Variants in CNTLN observed in about 807,000 individuals in gnomAD.
CNTLN encodes the protein centlein, also known as centlein, centrosomal protein.
A neutral mutation model predicts 180.0 loss-of-function variants in CNTLN; 212 were observed. The ratio of observed to expected loss-of-function variants is 1.18; its 90% CI spans 1.05 to 1.32. The LOEUF (loss-of-function observed/expected upper bound fraction) is 1.32, where lower values mean the gene tolerates loss of function less well. Among genes scored for constraint, CNTLN ranks in the 40% most tolerant of loss-of-function variants. The pLI, the probability that CNTLN is intolerant of heterozygous loss-of-function variation, is 0.00. For synonymous variants in CNTLN, 722 were observed against 563.1 expected (o/e 1.28, Z -3.99); for missense variants, 2,095 against 1,610.9 (o/e 1.30, Z -5.14).
At chr9:17,351,636 C>T (rs1050439728) in intron 12 of CNTLN, among the ~76,000 whole-genome samples, 8 of 152,196 alleles carry the variant, frequency 5.3e-5, no homozygotes, top group South Asian at 2.1e-4. Flanking sequence ...TATCTTATTT[C>T]TTTCCATCCT....
At chr9:17,206,373 G>A (rs1221572328) in intron 2 of CNTLN, among the ~76,000 whole-genome samples, 1 of 152,144 alleles carries the variant, frequency 6.6e-6, no homozygotes, top group Non-Finnish European at 1.5e-5. Flanking sequence ...AGATGAATTT[G>A]CTCAGCTGCG....
chr9:17,295,141 C>T lies in CNTLN; in HGVS notation c.984-3049C>T, dbSNP rs537541134. On this transcript the variant is annotated intron_variant, in intron 6 of 25. Coordinates refer to ENST00000380647, the MANE Select transcript of CNTLN (RefSeq NM_017738.4). ...CCGCTCTGAGTGCGGGCCGCCAAGC[C>T]CACGCCCACCCGGAACTCTAGCTGG... Among the ~76,000 whole-genome samples, 789 of 151,912 alleles carry T rather than the reference C, an allele frequency of 5.2e-3. 4 individuals are homozygous for T. Among genetic ancestry groups the T allele is most frequent in the African/African-American group, 0.018 (757 of 41,534 alleles).
At chr9:17,295,685 A>C (rs547075132) in intron 6 of CNTLN, among the ~76,000 whole-genome samples, 6 of 152,220 alleles carry the variant, frequency 3.9e-5, no homozygotes, top group African/African-American at 1.4e-4. Flanking sequence ...AGATCTGGAC[A>C]AATTCAGTGC....
intron 2 of CNTLN, among the ~76,000 whole-genome samples, chr9:17,186,999 T>C (rs1466906860): frequency 1.3e-5 from 2 of 152,066 alleles, no homozygotes; most frequent in Admixed American, 1.3e-4. Context: ...TCTGGATTGT[T>C]TGGTTCTTGA....
At chr9:17,396,149 C>T (rs965468515) in intron 15 of CNTLN, among the ~76,000 whole-genome samples, 1 of 152,208 alleles carries the variant, frequency 6.6e-6, no homozygotes, top group Non-Finnish European at 1.5e-5. Flanking sequence ...GAATAATACA[C>T]CCCTAGTTTA....
chr9:17,497,972 T>A (rs1833546352), intron 25 of CNTLN, among the ~76,000 whole-genome samples: 1 of 152,118 alleles, frequency 6.6e-6, no homozygotes, highest in Non-Finnish European at 1.5e-5. Flanking sequence ...CTTACTAAGG[T>A]CTCATTAAGT....
chr9:17,298,655 C>G (rs1473017992), intron 7 of CNTLN: 2 of 1,029,862 alleles, frequency 1.9e-6, no homozygotes, highest in Admixed American at 5.7e-5. Flanking sequence ...AGTCTCAAAA[C>G]TGGAATGGAA....
At chr9:17,440,351 A>T (rs1371547644) in intron 18 of CNTLN, among the ~76,000 whole-genome samples, 2 of 150,886 alleles carry the variant, frequency 1.3e-5, no homozygotes, top group African/African-American at 4.9e-5. Flanking sequence ...AGGCGGGTGG[A>T]TCATGAGGTC....
rs147286201 is a variant in CNTLN, at chr9:17,383,508, T to C, written c.1988-4654T>C. On this transcript the variant is annotated intron_variant, in intron 13 of 25. Transcript: ENST00000380647. ...CAGCCTGGGTGATACAGCAGGACCC[T>C]GTCTTAAAAAAAAATGGGAATTTTA... is the stretch of plus-strand genomic sequence containing the variant. Among the ~76,000 whole-genome samples the C allele has an allele frequency of 9.5e-3, 1,451 of 152,022 alleles. 11 individuals carry two copies. Among genetic ancestry groups the C allele is most frequent in the Middle Eastern group, 0.038 (11 of 292 alleles).
rs57444842 is a variant in CNTLN, at chr9:17,141,060, C to A, written c.361-2228C>A. ...GAATATTTCTAACAATGGGTAGACACAAGTCTAATTTTAAGATTTCCTTTA... is the reference window on the plus strand; with the variant it reads ...GAATATTTCTAACAATGGGTAGACAAAAGTCTAATTTTAAGATTTCCTTTA... On this transcript the variant is annotated intron_variant, in intron 1 of 25. Transcript: ENST00000380647. 3.3e-5 allele frequency among the ~76,000 whole-genome samples: 5 copies of A among 152,246 alleles called. No homozygotes were observed. The East Asian group carries it at 9.7e-4, about 29-fold the overall frequency.
intron 18 of CNTLN, among the ~76,000 whole-genome samples, chr9:17,419,117 G>GT (rs1411586259): frequency 6.6e-6 from 1 of 151,672 alleles, no homozygotes; most frequent in Non-Finnish European, 1.5e-5. Context: ...GTATTTTTTT[G>GT]TTTGTTTGTT....
At chr9:17,380,138 C>A (rs1418353737) in intron 13 of CNTLN, among the ~76,000 whole-genome samples, 2 of 152,116 alleles carry the variant, frequency 1.3e-5, no homozygotes, top group African/African-American at 4.8e-5. Flanking sequence ...ATTTTATTTT[C>A]CCCCATTGGT....
chr9:17,451,003 A>G (rs1248788896), intron 18 of CNTLN, among the ~76,000 whole-genome samples: 1 of 152,158 alleles, frequency 6.6e-6, no homozygotes, highest in Non-Finnish European at 1.5e-5. Context: ...ATATTTGTTA[A>G]TGACATAGAA....
intron 6 of CNTLN, among the ~76,000 whole-genome samples, chr9:17,293,780 A>T (rs1337423238): frequency 6.6e-6 from 1 of 152,156 alleles, no homozygotes; most frequent in East Asian, 1.9e-4. Flanking sequence ...GGTAGTCACC[A>T]GCCCATTGGC....
intron 8 of CNTLN, among the ~76,000 whole-genome samples, chr9:17,325,378 ATGTGTG>A (rs74311460): frequency 0.017 from 2,156 of 127,758 alleles, 35 homozygotes; most frequent in African/African-American, 0.043. Flanking sequence ...ATGTGTATGT[ATGTGTG>A]TGTGTGTGTG....
chr9:17,420,471 G>T (rs564894177), intron 18 of CNTLN, among the ~76,000 whole-genome samples: 1 of 151,896 alleles, frequency 6.6e-6, no homozygotes, highest in Non-Finnish European at 1.5e-5. Context: ...TTAAAGGTTT[G>T]TATGTTTTGT....
intron 6 of CNTLN, 86 bp downstream of exon 6, chr9:17,273,952 C>A (rs749290411): frequency 4.0e-6 from 4 of 995,276 alleles, no homozygotes; most frequent in Non-Finnish European, 5.9e-6. Flanking sequence ...TACTAACACC[C>A]TAAAATAATA....
In CNTLN at chr9:17,371,941, A is replaced by G. The variant is rs1451056958; in HGVS notation, c.1987+5224A>G. ...AATGATAATGGAAGCACAACATACT[A>G]GAACCTATGGGATACAGCAAAAGCA... On this transcript the variant is annotated intron_variant, in intron 13 of 25. Coordinates refer to ENST00000380647, the MANE Select transcript of CNTLN (RefSeq NM_017738.4). 2.0e-5 allele frequency among the ~76,000 whole-genome samples: 3 copies of G among 152,144 alleles called. No individual in the cohort carries two copies. In the South Asian group the frequency reaches 6.2e-4, roughly 32 times the overall value.
chr9:17,371,220 T>C (rs1659347746), intron 13 of CNTLN, among the ~76,000 whole-genome samples: 3 of 152,144 alleles, frequency 2.0e-5, no homozygotes, highest in Non-Finnish European at 2.9e-5. Context: ...CTCTCTGTTG[T>C]ATATAAGAAA....
Sources: allele counts gnomAD v4.1 joint callset (sites outside exome capture counted in the v4.1 genomes callset), GRCh38; gene constraint gnomAD v4.1.1; transcripts MANE v1.5; gene names NCBI Gene and HGNC (gene_info 2026-07-23, HGNC 2026-07-21).